Variants in SLC66A3 observed in about 807,000 individuals in gnomAD.
SLC66A3 encodes solute carrier family 66 member 3.
A neutral mutation model predicts 25.5 loss-of-function variants in SLC66A3; 23 were observed. The ratio of observed to expected loss-of-function variants is 0.90; its 90% CI spans 0.65 to 1.28. The LOEUF (loss-of-function observed/expected upper bound fraction) is 1.28. Among genes scored for constraint, SLC66A3 ranks in the 50% most tolerant of loss-of-function variants. The pLI, the probability that SLC66A3 is intolerant of heterozygous loss-of-function variation, is 0.00. For synonymous variants in SLC66A3, 108 were observed against 112.6 expected, an observed-to-expected ratio of 0.96 and a Z score of 0.26; for missense variants, 246 against 262.1, an observed-to-expected ratio of 0.94 and a Z score of 0.42.
At position 11,160,415 on chromosome 2, in the gene SLC66A3, G is replaced by T. The variant is rs371476110; in HGVS notation, c.144-51G>T. 5.8e-6 allele frequency: 9 copies of T among 1,546,976 alleles called. No homozygotes were observed. In the South Asian group the frequency reaches 1.0e-4, roughly 17 times the overall value. ...AGTGTTCTGGTGCCTGCCAGGCCCC[G>T]ACAGCTGCGTTTTGGGGCAGCCGTG... On this transcript the variant is annotated intron_variant, in intron 1 of 6. Transcript: ENST00000295083.
chr2:11,174,152 C>G (rs1662649635), intron 5 of SLC66A3, among the ~76,000 whole-genome samples: 1 of 152,008 alleles, frequency 6.6e-6, no homozygotes, highest in Non-Finnish European at 1.5e-5. Context: ...GAGACAGGGT[C>G]TCACCATGTT....
In SLC66A3 at chr2:11,171,859, C is replaced by T. The variant is rs183017164; in HGVS notation, c.355-66C>T. ...CTGGAATTACAGGTGTGAGCCACCG[C>T]ACCTGGCCTCTTTTGCTTTTTTAAC... On this transcript the variant is annotated intron_variant, in intron 4 of 6. Coordinates refer to ENST00000295083, the MANE Select transcript of SLC66A3 (RefSeq NM_152391.5). The T allele has an allele frequency of 8.7e-3, 13,757 of 1,583,704 alleles. 77 individuals carry two copies. The highest frequency in any genetic ancestry group is 0.018 in the South Asian group (1,642 of 89,184).
chr2:11,178,030 T>C lies in SLC66A3; in HGVS notation c.*202T>C, dbSNP rs564502361. ...ATTTGCCTCCTCCTTCCTCACTTCG[T>C]TAGGTTATGGTAGTGCTCAGACATC... On this transcript the variant is annotated 3_prime_UTR_variant, in exon 7 of 7. Transcript: ENST00000295083. 19 of 542,748 alleles carry C rather than the reference T, an allele frequency of 3.5e-5. No homozygotes were observed. The highest frequency in any genetic ancestry group is 5.0e-4 in the Middle Eastern group (1 of 2,016). The allele number at this position is 542,748 out of a possible 1,614,324, so 33.6% of individuals were successfully genotyped here.
chr2:11,161,497 A>G (rs1035653824), intron 3 of SLC66A3, among the ~76,000 whole-genome samples: 2 of 151,688 alleles, frequency 1.3e-5, no homozygotes, highest in South Asian at 2.1e-4. Context: ...GGGTCTCACT[A>G]TGTTGCCCAA....
Position 11,177,776 on chromosome 2 carries a change from G to C in SLC66A3, c.557G>C (p.Trp186Ser). 1.2e-6 allele frequency: 2 copies of C among 1,611,376 alleles called. No individual in the cohort carries two copies. The highest frequency in any genetic ancestry group is 1.7e-6 in the Non-Finnish European group (2 of 1,178,532). Residue 186 changes from tryptophan to serine, a missense_variant, in exon 7 of 7, where the codon TGG (tryptophan) becomes TCG (serine). Coordinates refer to ENST00000295083, the MANE Select transcript of SLC66A3 (RefSeq NM_152391.5). ...RFVIMLALNI[W>S]VTVTVLRYRK... Reference sequence around the variant, plus strand: ...GTGATCATGCTGGCTTTAAATATATGGGTAACAGTGACAGTACTTCGCTAC... The same window carrying C: ...GTGATCATGCTGGCTTTAAATATATCGGTAACAGTGACAGTACTTCGCTAC...
chr2:11,163,120 C>T (rs1662185926), intron 3 of SLC66A3, among the ~76,000 whole-genome samples: 2 of 152,170 alleles, frequency 1.3e-5, no homozygotes, highest in Admixed American at 1.3e-4. Context: ...GTGTCTCATA[C>T]CTGTCATCCC....
At chr2:11,171,001 A>G (rs186470633) in intron 4 of SLC66A3, among the ~76,000 whole-genome samples, 1 of 152,244 alleles carries the variant, frequency 6.6e-6, no homozygotes, top group Admixed American at 6.5e-5. Context: ...TACCCACTGC[A>G]CGGTGGAATC....
chr2:11,177,688 G>C (rs1287931451), intron 6 of SLC66A3, 49 bp from the exon 7 acceptor site: 1 of 1,193,778 alleles, frequency 8.4e-7, no homozygotes, highest in Non-Finnish European at 1.2e-6. Context: ...AGGTGGTTTT[G>C]GTCTGTATTG....
intron 6 of SLC66A3, among the ~76,000 whole-genome samples, chr2:11,176,956 C>T (rs1662776717): frequency 6.6e-6 from 1 of 152,162 alleles, no homozygotes; most frequent in African/African-American, 2.4e-5. Context: ...AGTTAAGTCA[C>T]TGTTAAAGTT....
At chr2:11,164,733 A>G (rs1368502165) in intron 4 of SLC66A3, among the ~76,000 whole-genome samples, 1 of 150,580 alleles carries the variant, frequency 6.6e-6, no homozygotes, top group Non-Finnish European at 1.5e-5. Flanking sequence ...GGGAGTGGTG[A>G]TGATTCTTAA....
intron 3 of SLC66A3, 106 bp downstream of exon 3, chr2:11,160,800 C>CA: frequency 2.5e-6 from 3 of 1,219,608 alleles, no homozygotes; most frequent in South Asian, 1.7e-5. Flanking sequence ...TTTGGTTAAA[C>CA]TAAAAAAAAA....
At chr2:11,171,869 CTT>C (rs1248502471) in intron 4 of SLC66A3, 54 bp from the exon 5 acceptor site, 2 of 1,603,488 alleles carry the variant, frequency 1.2e-6, no homozygotes, top group South Asian at 1.1e-5. Context: ...CACCTGGCCT[CTT>C]TTGCTTTTTT....
intron 4 of SLC66A3, among the ~76,000 whole-genome samples, chr2:11,168,255 A>C (rs1662421593): frequency 6.6e-6 from 1 of 151,714 alleles, no homozygotes; most frequent in African/African-American, 2.4e-5. Context: ...ACTGCACTCC[A>C]GCCTGGGTGA....
intron 4 of SLC66A3, among the ~76,000 whole-genome samples, chr2:11,164,677 C>T (rs1476844184): frequency 6.6e-6 from 1 of 151,184 alleles, no homozygotes; most frequent in Non-Finnish European, 1.5e-5. Flanking sequence ...AGGCAGAGGA[C>T]CCTGCGGCCT....
rs757532412 is a variant in SLC66A3, at chr2:11,172,003, G to GT, written c.434dup (p.Ser146GlufsTer25). The GT allele has an allele frequency of 1.9e-6, 3 of 1,614,138 alleles. No individual in the cohort carries two copies. Among genetic ancestry groups the GT allele is most frequent in the South Asian group, 2.2e-5 (2 of 91,080 alleles). On this transcript the variant is annotated frameshift_variant, in exon 5 of 7. Transcript: ENST00000295083. LOFTEE classifies it high-confidence loss of function. ...GTGGAAGACGAGAGACTCAGGAACT[G>GT]TGAGTGCGCTGACTTGGAGCCTCTC...
At chr2:11,165,621 G>A (rs940612507) in intron 4 of SLC66A3, among the ~76,000 whole-genome samples, 1 of 152,186 alleles carries the variant, frequency 6.6e-6, no homozygotes. Context: ...GGTGTCGGCC[G>A]GGCAGAGGCT....
chr2:11,174,172 G>T (rs189267328), intron 5 of SLC66A3, among the ~76,000 whole-genome samples: 2 of 152,252 alleles, frequency 1.3e-5, no homozygotes, highest in East Asian at 3.9e-4. Context: ...TGGTCAGGCT[G>T]GTCTCGAACT....
intron 1 of SLC66A3, among the ~76,000 whole-genome samples, chr2:11,158,055 C>A (rs1295291144): frequency 6.6e-6 from 1 of 152,158 alleles, no homozygotes; most frequent in African/African-American, 2.4e-5. Context: ...GGTCACTTGT[C>A]CCCCAGCCTG....
intron 6 of SLC66A3, among the ~76,000 whole-genome samples, chr2:11,176,272 G>A (rs1354964999): frequency 6.6e-6 from 1 of 152,172 alleles, no homozygotes; most frequent in Non-Finnish European, 1.5e-5. Context: ...CTGGAGTGCA[G>A]TGGTGTGATC....
Sources: allele counts gnomAD v4.1 joint callset (sites outside exome capture counted in the v4.1 genomes callset), GRCh38; gene constraint gnomAD v4.1.1; transcripts MANE v1.5; gene names NCBI Gene and HGNC (gene_info 2026-07-23, HGNC 2026-07-21).